GRIA1: variants seen among roughly 807,000 people sequenced by gnomAD.
GRIA1 encodes glutamate receptor 1.
A neutral mutation model predicts 99.2 loss-of-function variants in GRIA1; 31 were observed. That is an observed-to-expected ratio of 0.31 (90% confidence interval 0.23 to 0.42). The LOEUF (loss-of-function observed/expected upper bound fraction) is 0.42, where lower values mean the gene tolerates loss of function less well. Ranked by LOEUF, GRIA1 falls within the 10% of genes least tolerant of loss-of-function variation. GRIA1 has a pLI of 1.00. For synonymous variants in GRIA1, 438 were observed against 432.4 expected, an observed-to-expected ratio of 1.01 and a Z score of -0.16; for missense variants, 782 against 1,157.5, an observed-to-expected ratio of 0.68 and a Z score of 4.71.
intron 11 of GRIA1, among the ~76,000 whole-genome samples, chr5:153,763,408 T>C (rs1190657352): frequency 6.6e-6 from 1 of 152,188 alleles, no homozygotes; most frequent in Admixed American, 6.5e-5. Flanking sequence ...CTGTCACCTA[T>C]TGAAGGCTCT....
At chr5:153,740,429 G>A (rs1761698145) in intron 11 of GRIA1, among the ~76,000 whole-genome samples, 1 of 152,230 alleles carries the variant, frequency 6.6e-6, no homozygotes, top group Non-Finnish European at 1.5e-5. Context: ...CACAGTGTCA[G>A]GCACATAGTA....
At position 153,555,287 on chromosome 5, in the gene GRIA1, C is replaced by T. The variant is rs536386749; in HGVS notation, c.220+61222C>T. On this transcript the variant is annotated intron_variant, in intron 2 of 15. Coordinates refer to ENST00000285900, the MANE Select transcript of GRIA1 (RefSeq NM_000827.4). ...CTGTCCCATACTAGATTCTGATATACCTAACTTTGAAGGATGTCCACCATT... is the reference window on the plus strand; with the variant it reads ...CTGTCCCATACTAGATTCTGATATATCTAACTTTGAAGGATGTCCACCATT... Among the ~76,000 whole-genome samples, 5 of 151,404 alleles carry T rather than the reference C, an allele frequency of 3.3e-5. No homozygotes were observed. The East Asian group carries it at 9.7e-4, about 29-fold the overall frequency.
At chr5:153,510,255 T>A (rs894075537) in intron 2 of GRIA1, among the ~76,000 whole-genome samples, 2 of 152,198 alleles carry the variant, frequency 1.3e-5, no homozygotes, top group Non-Finnish European at 2.9e-5. Context: ...CTAAAGTGTT[T>A]GAGGAATGAA....
At chr5:153,804,732 A>AATTAATTT (rs1446385758) in intron 15 of GRIA1, among the ~76,000 whole-genome samples, 213 of 76,110 alleles carry the variant, frequency 2.8e-3, no homozygotes, top group African/African-American at 0.012. Context: ...TTAATTAATT[A>AATTAATTT]ATTTATTTAT....
chr5:153,686,548 T>TA (rs564927398), intron 8 of GRIA1, among the ~76,000 whole-genome samples: 40 of 152,300 alleles, frequency 2.6e-4, no homozygotes, highest in African/African-American at 9.1e-4. Flanking sequence ...AAATTAAGTT[T>TA]AAAAAAATCT....
At chr5:153,514,267 A>C (rs1255582081) in intron 2 of GRIA1, among the ~76,000 whole-genome samples, 1 of 152,156 alleles carries the variant, frequency 6.6e-6, no homozygotes, top group Non-Finnish European at 1.5e-5. Context: ...CATTATCCAG[A>C]CCAATGTCAC....
intron 11 of GRIA1, among the ~76,000 whole-genome samples, chr5:153,738,619 G>T (rs1761554182): frequency 1.3e-5 from 2 of 151,538 alleles, no homozygotes. Flanking sequence ...GATTCCATTT[G>T]GGTTTGTTCA....
intron 2 of GRIA1, among the ~76,000 whole-genome samples, chr5:153,542,135 A>T (rs1759182013): frequency 6.6e-6 from 1 of 151,848 alleles, no homozygotes; most frequent in South Asian, 2.1e-4. Flanking sequence ...AGCCTATTAT[A>T]CCCCAGGCCT....
chr5:153,553,877 C>T (rs1760375026), intron 2 of GRIA1, among the ~76,000 whole-genome samples: 1 of 152,092 alleles, frequency 6.6e-6, no homozygotes, highest in South Asian at 2.1e-4. Flanking sequence ...TGATGGTTGC[C>T]TGACATTTCT....
intron 2 of GRIA1, among the ~76,000 whole-genome samples, chr5:153,504,992 C>T (rs1476719206): frequency 6.6e-6 from 1 of 152,132 alleles, no homozygotes. Context: ...GGTTCCATCC[C>T]CTCTAGTTTT....
intron 2 of GRIA1, among the ~76,000 whole-genome samples, chr5:153,531,836 C>T (rs954846405): frequency 2.0e-5 from 3 of 152,106 alleles, no homozygotes; most frequent in African/African-American, 7.2e-5. Flanking sequence ...CCTAAAACAA[C>T]CTCATAAGGA....
chr5:153,550,526 C>G (rs1238625207), intron 2 of GRIA1, among the ~76,000 whole-genome samples: 1 of 151,994 alleles, frequency 6.6e-6, no homozygotes, highest in African/African-American at 2.4e-5. Context: ...TGTACCTATT[C>G]TAATAGGTAC....
At chr5:153,627,759 C>A (rs1278055898) in intron 2 of GRIA1, among the ~76,000 whole-genome samples, 1 of 152,106 alleles carries the variant, frequency 6.6e-6, no homozygotes, top group Non-Finnish European at 1.5e-5. Context: ...CCTTGCCCAG[C>A]AATTGTTCAA....
intron 2 of GRIA1, among the ~76,000 whole-genome samples, chr5:153,641,989 C>T (rs17114887): frequency 0.11 from 17,233 of 152,144 alleles, 1,034 homozygotes; most frequent in African/African-American, 0.15. Flanking sequence ...TACTGGGTGT[C>T]GAATGGTGGG....
intron 12 of GRIA1, among the ~76,000 whole-genome samples, chr5:153,768,345 A>C (rs1295343753): frequency 1.3e-5 from 2 of 152,180 alleles, no homozygotes; most frequent in Non-Finnish European, 2.9e-5. Flanking sequence ...AAAGATTATA[A>C]TGCCCAAACT....
chr5:153,686,291 C>T lies in GRIA1; in HGVS notation c.1096C>T (p.Leu366Phe), dbSNP rs185825178. The T allele has an allele frequency of 2.5e-6, 4 of 1,613,918 alleles. No homozygotes were observed. The East Asian group carries it at 6.7e-5, about 27-fold the overall frequency. Residue 366 changes from leucine (L) to phenylalanine (F), a missense_variant, in exon 8 of 16, where the codon CTC becomes TTC. Physicochemically the swap from Leu to Phe is conservative, Grantham distance 22 (BLOSUM62 0). Around this residue, in one of 5 missense-constraint regions of GRIA1, gnomAD observed 461 missense variants for 521.7 expected, o/e 0.88. Coordinates refer to ENST00000285900, the MANE Select transcript of GRIA1 (RefSeq NM_000827.4). The part of the protein sequence containing the change: ...NEKGRRTNYT[L>F]HVIEMKHDGI... ...GAAAGGACGCCGGACCAACTACACG[C>T]TCCACGTGATTGAAATGAAACATGA...
chr5:153,802,271 A>C (rs1766091222), intron 14 of GRIA1, 85 bp from the exon 15 acceptor site: 1 of 1,227,138 alleles, frequency 8.1e-7, no homozygotes, highest in Non-Finnish European at 1.2e-6. Context: ...TATGTGTGAA[A>C]ATATGCTGCT....
intron 8 of GRIA1, among the ~76,000 whole-genome samples, chr5:153,689,768 C>T (rs538858380): frequency 6.6e-6 from 1 of 152,284 alleles, no homozygotes; most frequent in African/African-American, 2.4e-5. Flanking sequence ...CCATCCTCTC[C>T]CTACTCACAT....
chr5:153,555,421 A>G (rs1243500607), intron 2 of GRIA1, among the ~76,000 whole-genome samples: 2 of 152,130 alleles, frequency 1.3e-5, no homozygotes, highest in African/African-American at 4.8e-5. Context: ...CATAAAAACA[A>G]TAGGTATACA....
Sources: gnomAD v4.1 joint callset for allele counts (sites outside exome capture counted in the v4.1 genomes callset) on GRCh38, gnomAD v4.1.1 for gene constraint, gnomAD v4.1.1 regional missense constraint, MANE v1.5 for transcripts, NCBI Gene and HGNC (gene_info 2026-07-23, HGNC 2026-07-21) for gene names.